Variants in KHDRBS2 observed in about 807,000 individuals in gnomAD.
KHDRBS2 encodes the protein KH domain-containing, RNA-binding, signal transduction-associated protein 2.
Under a neutral mutation model 44.3 loss-of-function variants are expected in KHDRBS2, and 26 were observed. That is an observed-to-expected ratio of 0.59 (90% CI 0.43 to 0.81). KHDRBS2 has a LOEUF of 0.81. KHDRBS2 is among the 40% of genes least tolerant of loss of function. The pLI, the probability that KHDRBS2 is intolerant of heterozygous loss-of-function variation, is 0.00. For missense variants in KHDRBS2, 476 were observed against 433.1 expected (o/e 1.10, Z -0.88); for synonymous variants, 194 against 151.1 (o/e 1.28, Z -2.08).
At position 62,104,067 on chromosome 6, in the gene KHDRBS2, T is replaced by C. The variant is rs1018086655; in HGVS notation, c.220-56073A>G. ...ATAATGATAACCTTATAGAAAAATATATAGGATTTTTATTGCTTAAATTAC... is the reference window on the plus strand; with the variant it reads ...ATAATGATAACCTTATAGAAAAATACATAGGATTTTTATTGCTTAAATTAC... On this transcript the variant is annotated intron_variant, in intron 2 of 8. Coordinates refer to ENST00000281156, the MANE Select transcript of KHDRBS2 (RefSeq NM_152688.4). 9.2e-5 allele frequency among the ~76,000 whole-genome samples: 14 copies of C among 152,088 alleles called. 1 individual carries two copies. The highest frequency in any genetic ancestry group is 8.5e-4 in the Admixed American group (13 of 15,276).
At chr6:61,791,188 T>C (rs1006934755) in intron 6 of KHDRBS2, among the ~76,000 whole-genome samples, 3 of 151,328 alleles carry the variant, frequency 2.0e-5, no homozygotes, top group African/African-American at 7.3e-5. Context: ...ATTTAAATGA[T>C]CAACTTCCGG....
At chr6:62,121,274 T>C (rs1367865526) in intron 2 of KHDRBS2, among the ~76,000 whole-genome samples, 3 of 152,140 alleles carry the variant, frequency 2.0e-5, no homozygotes, top group Non-Finnish European at 4.4e-5. Context: ...GAAAAAATAG[T>C]AAATCAAAAA....
At chr6:62,266,813 G>A (rs1209639082) in intron 1 of KHDRBS2, among the ~76,000 whole-genome samples, 10 of 152,036 alleles carry the variant, frequency 6.6e-5, no homozygotes, top group African/African-American at 7.2e-5. Context: ...TTTTATCTCC[G>A]AGGATTAGTA....
intron 4 of KHDRBS2, among the ~76,000 whole-genome samples, chr6:61,925,531 C>T (rs756418252): frequency 2.1e-4 from 32 of 152,096 alleles, no homozygotes; most frequent in South Asian, 4.2e-4. Flanking sequence ...GCCTCGGCAA[C>T]GTAGTGAGAC....
chr6:62,180,880 G>A (rs1822122889), intron 1 of KHDRBS2, among the ~76,000 whole-genome samples: 1 of 151,692 alleles, frequency 6.6e-6, no homozygotes, highest in Non-Finnish European at 1.5e-5. Flanking sequence ...GTCCAGACAT[G>A]AATCTATACA....
At chr6:62,200,887 AT>A (rs1408705011) in intron 1 of KHDRBS2, among the ~76,000 whole-genome samples, 2 of 150,302 alleles carry the variant, frequency 1.3e-5, no homozygotes, top group Non-Finnish European at 3.0e-5. Context: ...CATATACACC[AT>A]GGAATACTAT....
chr6:61,863,259 G>GTTTTTTTTTTTTTTTTTTT (rs61624926), intron 6 of KHDRBS2, among the ~76,000 whole-genome samples: 3 of 134,608 alleles, frequency 2.2e-5, no homozygotes, highest in Non-Finnish European at 4.8e-5. Context: ...TTTTGAAGGG[G>GTTTTTTTTTTTTTTTTTTT]TTTTTTTTTT....
chr6:61,799,729 C>CA (rs754096018), intron 6 of KHDRBS2, among the ~76,000 whole-genome samples: 84 of 151,782 alleles, frequency 5.5e-4, no homozygotes, highest in African/African-American at 7.2e-4. Context: ...GCTTAGAAGA[C>CA]AAAAAAACAG....
At chr6:62,225,887 A>G (rs1585290481) in intron 1 of KHDRBS2, among the ~76,000 whole-genome samples, 1 of 152,210 alleles carries the variant, frequency 6.6e-6, no homozygotes, top group Admixed American at 6.5e-5. Flanking sequence ...TTATGGCTGC[A>G]TAATATTCCA....
Position 61,681,198 on chromosome 6 carries a change from C to T in KHDRBS2, c.953-138G>A, listed in dbSNP as rs528185484. On this transcript the variant is annotated intron_variant, in intron 8 of 8. Coordinates refer to ENST00000281156, the MANE Select transcript of KHDRBS2 (RefSeq NM_152688.4). ...ACGCTAAAGCCTATTTTTTCCACATCGTGAGACCATCAAAAAAGTGTGTGT... is the reference window on the plus strand; with the variant it reads ...ACGCTAAAGCCTATTTTTTCCACATTGTGAGACCATCAAAAAAGTGTGTGT... The T allele has an allele frequency of 1.0e-4, 63 of 618,440 alleles. 1 individual carries two copies. In the East Asian group the frequency reaches 1.6e-3, roughly 15 times the overall value. The allele number at this position is 618,440 out of a possible 1,614,324, so 38.3% of individuals were successfully genotyped here.
At chr6:61,745,687 A>G (rs192338600) in intron 6 of KHDRBS2, among the ~76,000 whole-genome samples, 272 of 152,300 alleles carry the variant, frequency 1.8e-3, no homozygotes, top group African/African-American at 6.0e-3. Flanking sequence ...TTAAAGATGA[A>G]TAAAAGGGCA....
chr6:61,738,861 A>C (rs1775763940), intron 6 of KHDRBS2, among the ~76,000 whole-genome samples: 1 of 151,920 alleles, frequency 6.6e-6, no homozygotes, highest in African/African-American at 2.4e-5. Flanking sequence ...ATATGAGCTT[A>C]AAATAATAGT....
At chr6:62,243,946 T>C (rs1281331429) in intron 1 of KHDRBS2, among the ~76,000 whole-genome samples, 1 of 152,138 alleles carries the variant, frequency 6.6e-6, no homozygotes, top group Non-Finnish European at 1.5e-5. Context: ...TTTTAATGTC[T>C]TTTTTTGAAT....
intron 3 of KHDRBS2, among the ~76,000 whole-genome samples, chr6:62,008,605 G>GT (rs1160486134): frequency 6.6e-6 from 1 of 152,126 alleles, no homozygotes; most frequent in Non-Finnish European, 1.5e-5. Context: ...ATTTGGCTCT[G>GT]TGTCCCCATG....
chr6:61,817,364 C>T (rs896150694), intron 6 of KHDRBS2, among the ~76,000 whole-genome samples: 9 of 151,944 alleles, frequency 5.9e-5, no homozygotes, highest in Non-Finnish European at 1.2e-4. Context: ...CTTATGGTGT[C>T]AAAATATCAC....
intron 2 of KHDRBS2, among the ~76,000 whole-genome samples, chr6:62,143,473 T>C (rs1813285607): frequency 1.3e-5 from 2 of 152,002 alleles, no homozygotes; most frequent in Non-Finnish European, 2.9e-5. Context: ...GCAATATCTC[T>C]GTTATTTACC....
At chr6:61,698,402 G>A (rs1306148337) in intron 7 of KHDRBS2, among the ~76,000 whole-genome samples, 1 of 151,958 alleles carries the variant, frequency 6.6e-6, no homozygotes, top group Admixed American at 6.6e-5. Flanking sequence ...AATTCACTTC[G>A]AATTGCAAAA....
intron 6 of KHDRBS2, among the ~76,000 whole-genome samples, chr6:61,865,156 C>T (rs1163632392): frequency 2.0e-5 from 3 of 152,070 alleles, no homozygotes; most frequent in Non-Finnish European, 4.4e-5. Flanking sequence ...ACTGTTTTGG[C>T]TATCAGTACC....
chr6:61,984,061 A>C lies in KHDRBS2; in HGVS notation c.337-5849T>G, dbSNP rs180923753. The stretch of plus-strand genomic sequence containing the variant: ...GCTTTCTGACTTCACATAAACACCA[A>C]AAGATTTATTGCTGAAACAGTTTGG... On this transcript the variant is annotated intron_variant, in intron 3 of 8. Transcript: ENST00000281156. Among the ~76,000 whole-genome samples, 260 of 152,264 alleles carry C rather than the reference A, an allele frequency of 1.7e-3. 2 individuals are homozygous for C. Among genetic ancestry groups the C allele is most frequent in the African/African-American group, 6.0e-3 (251 of 41,552 alleles).
Sources: allele counts gnomAD v4.1 joint callset (sites outside exome capture counted in the v4.1 genomes callset), GRCh38; gene constraint gnomAD v4.1.1; transcripts MANE v1.5; gene names NCBI Gene and HGNC (gene_info 2026-07-23, HGNC 2026-07-21).